The following RNF185 variants were observed in gnomAD, a reference collection of about 807,000 sequenced individuals.
RNF185 encodes the protein ring finger protein 185.
A neutral mutation model predicts 24.9 loss-of-function variants in RNF185; 13 were observed. The ratio of observed to expected loss-of-function variants is 0.52; its 90% CI spans 0.34 to 0.83. RNF185 has a LOEUF of 0.83. Among genes scored for constraint, RNF185 ranks in the 40% least tolerant of loss-of-function variants. The probability of loss-of-function intolerance (pLI) is 0.01; values close to 1 mark genes in which losing one functional copy is unlikely to be tolerated. For missense variants in RNF185, 184 were observed against 244.7 expected (o/e 0.75, Z 1.65); for synonymous variants, 79 against 90.3 (o/e 0.88, Z 0.71).
intron 1 of RNF185, among the ~76,000 whole-genome samples, chr22:31,170,851 A>C (rs1166327797): frequency 2.0e-5 from 3 of 151,842 alleles, no homozygotes; most frequent in African/African-American, 7.3e-5. Context: ...TTTTTGAGAC[A>C]AGGTCTTTGT....
intron 1 of RNF185, among the ~76,000 whole-genome samples, chr22:31,171,866 G>A (rs2047933751): frequency 6.6e-6 from 1 of 152,162 alleles, no homozygotes; most frequent in South Asian, 2.1e-4. Context: ...TACTCAGGAG[G>A]CTGAGGCAGG....
At chr22:31,162,938 GTA>G (rs1923672606) in intron 1 of RNF185, among the ~76,000 whole-genome samples, 1 of 151,712 alleles carries the variant, frequency 6.6e-6, no homozygotes, top group South Asian at 2.1e-4. Context: ...CTAATTTTTT[GTA>G]TTTTTAGTAG....
rs761590458 is a variant in RNF185 at position 31,192,667 on chromosome 22, C to T, written c.177-17C>T. 1.7e-5 allele frequency: 27 copies of T among 1,612,934 alleles called. No homozygotes were observed. The Admixed American group carries it at 4.2e-4, about 25-fold the overall frequency. On this transcript the variant is annotated splice_polypyrimidine_tract_variant and intron_variant, in intron 2 of 6. Transcript: ENST00000326132. The stretch of plus-strand genomic sequence containing the variant: ...CTCCTTCTCCTTGATGACTGGTTGC[C>T]CTGGGGACTCTGGCAGTTGGCCGTG...
chr22:31,189,780 G>C (rs2048138763), intron 2 of RNF185, among the ~76,000 whole-genome samples: 1 of 151,118 alleles, frequency 6.6e-6, no homozygotes, highest in African/African-American at 2.4e-5. Context: ...ATTTTTAGTA[G>C]AGAGAGGTTT....
intron 1 of RNF185, among the ~76,000 whole-genome samples, chr22:31,177,666 G>C (rs2047995996): frequency 1.3e-5 from 2 of 152,196 alleles, no homozygotes; most frequent in African/African-American, 4.8e-5. Context: ...GTTCCTGGCA[G>C]AAAGCTTCTG....
At chr22:31,188,797 A>G (rs985903273) in intron 2 of RNF185, among the ~76,000 whole-genome samples, 1 of 151,824 alleles carries the variant, frequency 6.6e-6, no homozygotes, top group African/African-American at 2.4e-5. Flanking sequence ...AGTCTAGGCG[A>G]CAGAGAGAGA....
rs184122402 is a variant in RNF185 at position 31,194,882 on chromosome 22, C to G, written c.196-587C>G. On this transcript the variant is annotated intron_variant, in intron 3 of 6. Transcript: ENST00000326132. ...GTCAGACTTGACAGCCCCAGACTTG[C>G]AGTTTCCCTCCCCCTGTGTTGCTAG... Among the ~76,000 whole-genome samples, 49 of 152,326 alleles carry G rather than the reference C, an allele frequency of 3.2e-4. 1 individual carries two copies. The highest frequency in any genetic ancestry group is 6.6e-4 in the Non-Finnish European group (45 of 68,024).
intron 1 of RNF185, among the ~76,000 whole-genome samples, chr22:31,167,021 C>A (rs1440666371): frequency 6.6e-6 from 1 of 150,696 alleles, no homozygotes; most frequent in Non-Finnish European, 1.5e-5. Flanking sequence ...ATAAGTCTTA[C>A]TATGTAGACG....
chr22:31,161,097 A>G (rs1172877377), intron 1 of RNF185, among the ~76,000 whole-genome samples: 1 of 152,224 alleles, frequency 6.6e-6, no homozygotes, highest in Non-Finnish European at 1.5e-5. Context: ...CTGTTACGGC[A>G]AAGAGGGCTT....
intron 1 of RNF185, among the ~76,000 whole-genome samples, chr22:31,163,226 GA>G (rs1161162327): frequency 5.9e-5 from 9 of 152,068 alleles, no homozygotes; most frequent in African/African-American, 1.9e-4. Context: ...CTACTCAGTG[GA>G]GTTGATTACT....
intron 5 of RNF185, among the ~76,000 whole-genome samples, chr22:31,199,317 A>G (rs2048239177): frequency 6.6e-6 from 1 of 152,192 alleles, no homozygotes. Context: ...CCAGGGCCAC[A>G]CGTACAGTGC....
chr22:31,191,558 C>T (rs890389401), intron 2 of RNF185, among the ~76,000 whole-genome samples: 1 of 152,154 alleles, frequency 6.6e-6, no homozygotes, highest in African/African-American at 2.4e-5. Flanking sequence ...GGGCCAGACA[C>T]GGTGGCTCAC....
intron 1 of RNF185, among the ~76,000 whole-genome samples, chr22:31,182,391 G>A (rs181008208): frequency 3.3e-5 from 5 of 152,136 alleles, no homozygotes; most frequent in Non-Finnish European, 7.4e-5. Context: ...AAGCTTAAGC[G>A]ATTCTCCTGC....
chr22:31,181,503 G>C (rs1478323008), intron 1 of RNF185, among the ~76,000 whole-genome samples: 1 of 151,850 alleles, frequency 6.6e-6, no homozygotes, highest in African/African-American at 2.4e-5. Context: ...GTATTTTAAA[G>C]CAAATCCCAA....
At chr22:31,172,748 CAAAA>C (rs35573590) in intron 1 of RNF185, among the ~76,000 whole-genome samples, 10 of 97,704 alleles carry the variant, frequency 1.0e-4, no homozygotes, top group African/African-American at 2.3e-4. Flanking sequence ...GACCCCGTCT[CAAAA>C]AAAAAAAAAA....
Position 31,205,698 on chromosome 22 carries a change from ACTC to A in RNF185, c.*1115_*1117del, listed in dbSNP as rs1202583074. Reference sequence around the variant, plus strand: ...TATGGCTTGATAGAGTTCCCTGAAAACTCCTTGTATGTGTGCTAAAACCAGGGA... The same window carrying A: ...TATGGCTTGATAGAGTTCCCTGAAAACTTGTATGTGTGCTAAAACCAGGGA... On this transcript the variant is annotated 3_prime_UTR_variant, in exon 7 of 7. Transcript: ENST00000326132. The A allele has an allele frequency of 6.6e-6, 1 of 151,832 alleles. No homozygotes were observed. The highest frequency in any genetic ancestry group is 2.4e-5 in the African/African-American group (1 of 41,314). 9.4% of individuals were successfully genotyped at this position (151,832 alleles called of 1,614,324 possible).
At chr22:31,187,475 C>T (rs1446391949) in intron 2 of RNF185, among the ~76,000 whole-genome samples, 1 of 152,212 alleles carries the variant, frequency 6.6e-6, no homozygotes, top group East Asian at 1.9e-4. Flanking sequence ...TAAGCTCGTT[C>T]TCCCCATCTC....
chr22:31,180,109 C>CG (rs1322429962), intron 1 of RNF185, among the ~76,000 whole-genome samples: 5 of 22,468 alleles, frequency 2.2e-4, no homozygotes, highest in African/African-American at 5.7e-4. Flanking sequence ...CAGAACATGG[C>CG]GGGGGGGTGG....
intron 6 of RNF185, among the ~76,000 whole-genome samples, chr22:31,202,979 G>A (rs532179324): frequency 6.6e-6 from 1 of 152,276 alleles, no homozygotes; most frequent in East Asian, 1.9e-4. Flanking sequence ...TTGTTTTTCA[G>A]AGGAAGTATA....
Sources: gnomAD v4.1 joint callset for allele counts (sites outside exome capture counted in the v4.1 genomes callset) on GRCh38, gnomAD v4.1.1 for gene constraint, MANE v1.5 for transcripts, NCBI Gene and HGNC (gene_info 2026-07-23, HGNC 2026-07-21) for gene names.